KCNQ3: variants seen among roughly 807,000 people sequenced by gnomAD.
KCNQ3 encodes potassium voltage-gated channel subfamily KQT member 3.
In KCNQ3, 30 loss-of-function variants were observed where a neutral mutation model predicts 92.5. The observed-to-expected ratio is 0.32, with a 90% CI of 0.24 to 0.44. The LOEUF (loss-of-function observed/expected upper bound fraction) is 0.44, where lower values mean the gene tolerates loss of function less well. Ranked by LOEUF, KCNQ3 falls within the 20% of genes least tolerant of loss-of-function variation. KCNQ3 has a pLI of 1.00. For missense variants in KCNQ3, 913 were observed against 1,140.3 expected (o/e 0.80, Z 2.87); for synonymous variants, 450 against 468.8 (o/e 0.96, Z 0.52).
At chr8:132,277,969 C>T (rs1398442121) in intron 1 of KCNQ3, 2 of 985,262 alleles carry the variant, frequency 2.0e-6, no homozygotes, top group Admixed American at 6.1e-5. Context: ...AGCATCTCAC[C>T]TTCACCCCCA....
intron 13 of KCNQ3, 104 bp downstream of exon 13, chr8:132,134,186 G>C (rs1392537011): frequency 3.6e-6 from 3 of 839,276 alleles, no homozygotes; most frequent in Admixed American, 1.7e-5. Flanking sequence ...ACTTAGGAGA[G>C]TGACAACTTC....
chr8:132,137,775 T>C, intron 12 of KCNQ3, 110 bp downstream of exon 12: 1 of 1,365,064 alleles, frequency 7.3e-7, no homozygotes, highest in South Asian at 1.2e-5. Context: ...ATTTGTCTTC[T>C]TAAAATCTCT....
At chr8:132,353,408 A>G (rs1434161585) in intron 1 of KCNQ3, among the ~76,000 whole-genome samples, 2 of 152,192 alleles carry the variant, frequency 1.3e-5, no homozygotes, top group African/African-American at 2.4e-5. Flanking sequence ...CATTGGGCAC[A>G]TGGAAACGGT....
chr8:132,325,167 T>A (rs1297434061), intron 1 of KCNQ3, among the ~76,000 whole-genome samples: 1 of 151,748 alleles, frequency 6.6e-6, no homozygotes, highest in Non-Finnish European at 1.5e-5. Context: ...CCTGGCGGTG[T>A]GGATGGGGAA....
At chr8:132,226,156 A>G (rs1273578566) in intron 1 of KCNQ3, among the ~76,000 whole-genome samples, 1 of 152,092 alleles carries the variant, frequency 6.6e-6, no homozygotes, top group Non-Finnish European at 1.5e-5. Flanking sequence ...CTGTAGTCTC[A>G]GCTACTTGAG....
chr8:132,221,897 C>T (rs1814250860), intron 1 of KCNQ3, among the ~76,000 whole-genome samples: 1 of 152,140 alleles, frequency 6.6e-6, no homozygotes, highest in Admixed American at 6.5e-5. Flanking sequence ...CTTCCTTACA[C>T]CGTATACAAA....
intron 1 of KCNQ3, among the ~76,000 whole-genome samples, chr8:132,401,124 C>T (rs573365248): frequency 4.6e-5 from 7 of 152,252 alleles, no homozygotes; most frequent in African/African-American, 1.7e-4. Context: ...CATATGAACC[C>T]CTGCCTCAGA....
At chr8:132,181,663 G>C (rs1452441174) in intron 3 of KCNQ3, among the ~76,000 whole-genome samples, 2 of 152,136 alleles carry the variant, frequency 1.3e-5, no homozygotes, top group Non-Finnish European at 2.9e-5. Flanking sequence ...CCAGAAGCCT[G>C]TGTAGCTCAT....
rs531125020 is a variant in KCNQ3 at position 132,163,481 on chromosome 8, C to T, written c.1249G>A (p.Glu417Lys). 29 of 1,612,396 alleles carry T rather than the reference C, an allele frequency of 1.8e-5. 1 individual carries two copies. The South Asian group carries it at 2.9e-4, about 16-fold the overall frequency. The change falls in exon 9 of 15, where the codon GAG becomes AAG. Residue 417 changes from glutamate to lysine, a missense_variant. Glu to Lys is a moderately conservative substitution (Grantham distance 56, BLOSUM62 1). Coordinates refer to ENST00000388996, the MANE Select transcript of KCNQ3 (RefSeq NM_004519.4). ...TCAGAAACTTACCTGGATGCTGCCT[C>T]CAGCTGTTCTTTCCTAGAAAGAGAA... ...SFPFFRKEQLEAASSQKLGLL... is the reference protein window; with the variant it reads ...SFPFFRKEQLKAASSQKLGLL...
chr8:132,145,235 T>A (rs1825417939), intron 9 of KCNQ3, among the ~76,000 whole-genome samples: 1 of 152,212 alleles, frequency 6.6e-6, no homozygotes, highest in Non-Finnish European at 1.5e-5. Context: ...CATGTTCAAC[T>A]TGTATATACA....
Position 132,314,179 on chromosome 8 carries a change from C to T in KCNQ3, c.387-127998G>A, listed in dbSNP as rs576629962. ...AAGTGGCTGGATATAAAAATAAATACTCCCAATGCAAAACATTTCCTAAAT... is the reference window on the plus strand; with the variant it reads ...AAGTGGCTGGATATAAAAATAAATATTCCCAATGCAAAACATTTCCTAAAT... On this transcript the variant is annotated intron_variant, in intron 1 of 14. Coordinates refer to ENST00000388996, the MANE Select transcript of KCNQ3 (RefSeq NM_004519.4). Among the ~76,000 whole-genome samples, 4 of 152,196 alleles carry T rather than the reference C, an allele frequency of 2.6e-5. No individual in the cohort carries two copies. The East Asian group carries it at 7.7e-4, about 29-fold the overall frequency.
At chr8:132,453,071 G>C (rs562991970) in intron 1 of KCNQ3, among the ~76,000 whole-genome samples, 1 of 152,328 alleles carries the variant, frequency 6.6e-6, no homozygotes, top group East Asian at 1.9e-4. Flanking sequence ...CACTTCATGG[G>C]AGTTAAGGGT....
chr8:132,316,845 C>G (rs1817756889), intron 1 of KCNQ3, among the ~76,000 whole-genome samples: 2 of 152,174 alleles, frequency 1.3e-5, no homozygotes, highest in South Asian at 4.1e-4. Context: ...CAATAATGGA[C>G]TTATCACTTT....
At chr8:132,321,186 T>TC (rs1563858100) in intron 1 of KCNQ3, among the ~76,000 whole-genome samples, 1 of 152,178 alleles carries the variant, frequency 6.6e-6, no homozygotes. Context: ...ATGAATTCAG[T>TC]CACAGAAACT....
chr8:132,264,973 G>A (rs1815934047), intron 1 of KCNQ3, among the ~76,000 whole-genome samples: 1 of 152,126 alleles, frequency 6.6e-6, no homozygotes, highest in Non-Finnish European at 1.5e-5. Context: ...CCCAGGCTTG[G>A]GTTTAGACAG....
intron 1 of KCNQ3, among the ~76,000 whole-genome samples, chr8:132,343,564 T>C (rs1237595364): frequency 6.6e-6 from 1 of 152,124 alleles, no homozygotes; most frequent in African/African-American, 2.4e-5. Context: ...GCTCTAGCTG[T>C]CTCATCAAAG....
intron 1 of KCNQ3, among the ~76,000 whole-genome samples, chr8:132,264,679 G>A (rs928769685): frequency 2.0e-5 from 3 of 152,208 alleles, no homozygotes; most frequent in African/African-American, 7.2e-5. Flanking sequence ...TGAAAGGACA[G>A]CAGATCCCAT....
intron 1 of KCNQ3, among the ~76,000 whole-genome samples, chr8:132,381,147 T>C (rs1185358552): frequency 3.9e-5 from 6 of 152,160 alleles, no homozygotes; most frequent in African/African-American, 1.2e-4. Context: ...TGGTCCGTTA[T>C]CCATAATTTT....
intron 9 of KCNQ3, among the ~76,000 whole-genome samples, chr8:132,154,193 GTTTTTTTTTT>G (rs869112851): frequency 0.015 from 401 of 27,490 alleles, 12 homozygotes; most frequent in African/African-American, 0.056. Context: ...AAGGGTAAAA[GTTTTTTTTTT>G]TTTTTTTTTT....
Sources: gnomAD v4.1 joint callset for allele counts (sites outside exome capture counted in the v4.1 genomes callset) on GRCh38, gnomAD v4.1.1 for gene constraint, MANE v1.5 for transcripts, NCBI Gene and HGNC (gene_info 2026-07-23, HGNC 2026-07-21) for gene names.